CD151: variants seen among roughly 807,000 people sequenced by gnomAD.
CD151 encodes the protein CD151 molecule (Raph blood group), also known as CD151 antigen.
A neutral mutation model predicts 34.2 loss-of-function variants in CD151; 20 were observed. The observed-to-expected ratio is 0.58, with a 90% CI of 0.41 to 0.85. The LOEUF (loss-of-function observed/expected upper bound fraction) is 0.85, where lower values mean the gene tolerates loss of function less well. Among genes scored for constraint, CD151 ranks in the 40% least tolerant of loss-of-function variants. CD151 has a pLI of 0.00. For synonymous variants in CD151, 157 were observed against 131.7 expected, an observed-to-expected ratio of 1.19 and a Z score of -1.32; for missense variants, 306 against 324.5, an observed-to-expected ratio of 0.94 and a Z score of 0.44.
At position 838,298 on chromosome 11, in the gene CD151, C is replaced by A; in HGVS notation, c.*106C>A. On this transcript the variant is annotated 3_prime_UTR_variant, in exon 9 of 9. Coordinates refer to ENST00000397420, the MANE Select transcript of CD151 (RefSeq NM_004357.5). Reference sequence around the variant, plus strand: ...CACCCACCCTGTGCCATCACCATAACCTCTGGGGACCCCAACCTCAGAGGC... The same window carrying A: ...CACCCACCCTGTGCCATCACCATAAACTCTGGGGACCCCAACCTCAGAGGC... 2 of 912,080 alleles carry A rather than the reference C, an allele frequency of 2.2e-6. No homozygotes were observed. Among genetic ancestry groups the A allele is most frequent in the South Asian group, 1.4e-5 (1 of 71,964 alleles). 56.5% of individuals were successfully genotyped at this position (912,080 alleles called of 1,614,324 possible).
rs1021419640 is a variant in CD151 at position 838,604 on chromosome 11, G to A, written c.*412G>A. The A allele has an allele frequency of 7.1e-5, 19 of 266,378 alleles. No homozygotes were observed. In the East Asian group the frequency reaches 1.5e-3, roughly 21 times the overall value. 16.5% of individuals were successfully genotyped at this position (266,378 alleles called of 1,614,324 possible). A position where few individuals can be genotyped will look rare whatever the true frequency, so the allele number is the denominator to read the frequency against. On this transcript the variant is annotated 3_prime_UTR_variant, in exon 9 of 9. Coordinates refer to ENST00000397420, the MANE Select transcript of CD151 (RefSeq NM_004357.5). Reference sequence around the variant, plus strand: ...AAGCCAGGTGAGCTCTGACCCTTGGGCCTGGGCCTCTGCCCCTCCCAACCC... The same window carrying A: ...AAGCCAGGTGAGCTCTGACCCTTGGACCTGGGCCTCTGCCCCTCCCAACCC...
intron 1 of CD151, among the ~76,000 whole-genome samples, chr11:833,508 C>T (rs1337515582): frequency 1.3e-5 from 2 of 152,214 alleles, no homozygotes; most frequent in Admixed American, 6.5e-5. Flanking sequence ...TTGGCAGGCG[C>T]GGAGTCCCAG....
In CD151 at chr11:837,488, A is replaced by T; in HGVS notation, c.485A>T (p.Gln162Leu). The part of the protein sequence containing the change: ...EFHCCGSNNS[Q>L]DWRDSEWIRS... ...CACTGCTGTGGCAGCAACAACTCAC[A>T]GGACTGGCGAGACAGTGAGTGGATC... is the stretch of plus-strand genomic sequence containing the variant. Residue 162 changes from glutamine to leucine, a missense_variant, in exon 7 of 9, where the codon CAG becomes CTG. By Grantham distance (113) the Gln-to-Leu change is moderately radical. Transcript: ENST00000397420. 6.2e-7 allele frequency: 1 copy of T among 1,612,914 alleles called. No individual in the cohort carries two copies. Among genetic ancestry groups the T allele is most frequent in the East Asian group, 2.2e-5 (1 of 44,858 alleles).
chr11:836,748 C>G (rs775870497), intron 4 of CD151, 21 bp from the exon 5 acceptor site: 1 of 1,610,826 alleles, frequency 6.2e-7, no homozygotes, highest in Admixed American at 1.7e-5. Context: ...AACAAGGGTG[C>G]CCTTGTGCTG....
In CD151 at chr11:837,340, C is replaced by A; in HGVS notation, c.442C>A (p.Gln148Lys). ...GHEAVTSAVD[Q>K]LQQEFHCCGS... ...TGAGGCTGTGACCAGCGCTGTGGAC[C>A]AGCTGCAGCAGGAGGTGGGTGGGTG... is the stretch of plus-strand genomic sequence containing the variant. The change falls in exon 6 of 9, where the codon CAG becomes AAG. Residue 148 changes from glutamine (Q) to lysine (K), a missense_variant. Coordinates refer to ENST00000397420, the MANE Select transcript of CD151 (RefSeq NM_004357.5). The A allele has an allele frequency of 6.2e-7, 1 of 1,612,818 alleles. No individual in the cohort carries two copies. Among genetic ancestry groups the A allele is most frequent in the Non-Finnish European group, 8.5e-7 (1 of 1,179,868 alleles).
At chr11:835,977 G>A (rs542631278) in intron 2 of CD151, 86 bp from the exon 3 acceptor site, 32 of 788,602 alleles carry the variant, frequency 4.1e-5, no homozygotes, top group East Asian at 1.0e-4. Context: ...GTGAGCCACC[G>A]CGCCTGGCCC....
chr11:836,502 G>A (rs776351828), intron 4 of CD151, 60 bp downstream of exon 4: 67 of 1,295,022 alleles, frequency 5.2e-5, no homozygotes, highest in Admixed American at 1.5e-4. Context: ...GGAGGTTGTC[G>A]CTGCAGGCTT....
At chr11:835,178 C>T (rs1590208472) in intron 2 of CD151, 1 of 152,238 alleles carries the variant, frequency 6.6e-6, no homozygotes, top group Admixed American at 6.5e-5. Flanking sequence ...TCCATGACCC[C>T]TGTCCTGTCT....
chr11:836,686 C>T (rs952629472), intron 4 of CD151, 83 bp from the exon 5 acceptor site: 12 of 1,362,260 alleles, frequency 8.8e-6, no homozygotes, highest in African/African-American at 4.3e-5. Flanking sequence ...CCTGGGGAGC[C>T]GGGGTGGGGA....
rs769261930 is a variant in CD151, at chr11:838,076, G to A, written c.702+48G>A. Reference sequence around the variant, plus strand: ...GTCATCTTGTTGGGGACACGGGGCAGGGCGGTGGCTGGTGGCCCCATGACG... The same window carrying A: ...GTCATCTTGTTGGGGACACGGGGCAAGGCGGTGGCTGGTGGCCCCATGACG... On this transcript the variant is annotated intron_variant, in intron 8 of 8. Transcript: ENST00000397420. The A allele has an allele frequency of 2.5e-6, 4 of 1,605,774 alleles. No individual in the cohort carries two copies. The South Asian group carries it at 3.3e-5, about 13-fold the overall frequency.
intron 5 of CD151, 123 bp from the exon 6 acceptor site, chr11:837,127 T>A: frequency 1.2e-6 from 1 of 811,214 alleles, no homozygotes; most frequent in Non-Finnish European, 2.1e-6. Flanking sequence ...AGGTGTGACC[T>A]CAGCCCTTCC....
rs1252871557 is a variant in CD151 at position 836,388 on chromosome 11, T to C, written c.222T>C (p.Thr74=). 6.2e-7 allele frequency: 1 copy of C among 1,612,228 alleles called. No individual in the cohort carries two copies. Among genetic ancestry groups the C allele is most frequent in the Non-Finnish European group, 8.5e-7 (1 of 1,179,874 alleles). ...LVVAGTVVMV[T]GVLGCCATFK... is the part of the protein sequence containing the mutation. The stretch of plus-strand genomic sequence containing the variant: ...TGGCGGGCACTGTCGTCATGGTGAC[T>C]GGGGTCTTGGGCTGCTGCGCCACCT... The change falls in exon 4 of 9, where the codon ACT becomes ACC. Residue 74 remains threonine, a synonymous_variant. Coordinates refer to ENST00000397420, the MANE Select transcript of CD151 (RefSeq NM_004357.5).
chr11:838,648 C>G lies in CD151; in HGVS notation c.*456C>G, dbSNP rs145532364. On this transcript the variant is annotated 3_prime_UTR_variant, in exon 9 of 9. Coordinates refer to ENST00000397420, the MANE Select transcript of CD151 (RefSeq NM_004357.5). ...CCAACCCAGCCCTCGTCTCCCTCGA[C>G]AGCGCCCCTGCTGTCTTCCCCACCG... 8.7e-6 allele frequency: 2 copies of G among 230,154 alleles called. No homozygotes were observed. The highest frequency in any genetic ancestry group is 4.5e-5 in the African/African-American group (2 of 44,160). The allele number at this position is 230,154 out of a possible 1,614,324, so 14.3% of individuals were successfully genotyped here. A position where few individuals can be genotyped will look rare whatever the true frequency, so the allele number is the denominator to read the frequency against.
In CD151 at chr11:836,658, C is replaced by G. The variant is rs1191301252; in HGVS notation, c.277-111C>G. Reference sequence around the variant, plus strand: ...AAAGCTTCAGGGAGGGTGGCCGCCCCTCAGCCCCCACCTGGAGCCTGGGGA... The same window carrying G: ...AAAGCTTCAGGGAGGGTGGCCGCCCGTCAGCCCCCACCTGGAGCCTGGGGA... On this transcript the variant is annotated intron_variant, in intron 4 of 8. Coordinates refer to ENST00000397420, the MANE Select transcript of CD151 (RefSeq NM_004357.5). 4 of 1,107,092 alleles carry G rather than the reference C, an allele frequency of 3.6e-6. No homozygotes were observed. In the South Asian group the frequency reaches 5.4e-5, roughly 15 times the overall value. The allele number at this position is 1,107,092 out of a possible 1,614,324, so 68.6% of individuals were successfully genotyped here.
chr11:838,525 C>T lies in CD151; in HGVS notation c.*333C>T. ...GGGAGAAACCCTTCACACCCCAGGC[C>T]CTTCAGGAACTGGGGCCTTGCCTTG... On this transcript the variant is annotated 3_prime_UTR_variant, in exon 9 of 9. Coordinates refer to ENST00000397420, the MANE Select transcript of CD151 (RefSeq NM_004357.5). 1 of 449,876 alleles carries T rather than the reference C, an allele frequency of 2.2e-6. No individual in the cohort carries two copies. The highest frequency in any genetic ancestry group is 4.1e-5 in the East Asian group (1 of 24,286). The allele number at this position is 449,876 out of a possible 1,614,324, so 27.9% of individuals were successfully genotyped here. A position where few individuals can be genotyped will look rare whatever the true frequency, so the allele number is the denominator to read the frequency against.
intron 2 of CD151, chr11:835,827 A>G (rs1846742082): frequency 2.2e-6 from 1 of 452,214 alleles, no homozygotes; most frequent in African/African-American, 2.0e-5. Context: ...AGCTGGGACT[A>G]CAGGCGCCCG....
In CD151 at chr11:836,319, G is replaced by C; in HGVS notation, c.153G>C (p.Leu51=). The C allele has an allele frequency of 6.2e-7, 1 of 1,612,738 alleles. No homozygotes were observed. The highest frequency in any genetic ancestry group is 8.5e-7 in the Non-Finnish European group (1 of 1,179,932). Residue 51 remains leucine (L), a synonymous_variant, in exon 4 of 9, where the codon CTG becomes CTC. Coordinates refer to ENST00000397420, the MANE Select transcript of CD151 (RefSeq NM_004357.5). ...CCCTCAAGAGTGACTACATCAGCCT[G>C]CTGGCCTCAGGCACCTACCTGGCCA... is the stretch of plus-strand genomic sequence containing the variant. The part of the protein sequence containing the change: ...TLALKSDYIS[L]LASGTYLATA...
chr11:837,730 G>C, intron 7 of CD151, 112 bp downstream of exon 7: 1 of 1,170,608 alleles, frequency 8.5e-7, no homozygotes, highest in East Asian at 2.5e-5. Context: ...GGAGGTGGGG[G>C]GTCACCCCAG....
intron 7 of CD151, 75 bp downstream of exon 7, chr11:837,693 A>G (rs568476436): frequency 2.0e-6 from 3 of 1,466,982 alleles, no homozygotes; most frequent in African/African-American, 2.8e-5. Flanking sequence ...GGCTGTGGGC[A>G]GTGGGACACG....
Sources: allele counts gnomAD v4.1 joint callset (sites outside exome capture counted in the v4.1 genomes callset), GRCh38; gene constraint gnomAD v4.1.1; transcripts MANE v1.5; gene names NCBI Gene and HGNC (gene_info 2026-07-23, HGNC 2026-07-21).